The following FLRT1 variants were observed in gnomAD, a reference collection of about 807,000 sequenced individuals.
FLRT1 encodes the protein fibronectin leucine rich transmembrane protein 1.
A neutral mutation model predicts 30.9 loss-of-function variants in FLRT1; 14 were observed. The observed-to-expected ratio is 0.45, with a 90% CI of 0.30 to 0.71. The LOEUF is 0.71. FLRT1 is among the 30% of genes least tolerant of loss of function. The pLI is 0.08. For missense variants in FLRT1, 737 were observed against 949.2 expected (o/e 0.78, Z 2.94); for synonymous variants, 368 against 430.4 (o/e 0.85, Z 1.80).
At chr11:64,038,523 C>T (rs1259626759) in intron 1 of FLRT1, among the ~76,000 whole-genome samples, 2 of 152,042 alleles carry the variant, frequency 1.3e-5, no homozygotes, top group African/African-American at 2.4e-5. Context: ...GAGGCCAGCA[C>T]GGGGGCAGCT....
chr11:64,060,050 C>G (rs985501880), intron 1 of FLRT1, among the ~76,000 whole-genome samples: 1 of 152,242 alleles, frequency 6.6e-6, no homozygotes, highest in African/African-American at 2.4e-5. Flanking sequence ...TGGCGAACAA[C>G]TCCCTAAGGG....
chr11:64,066,391 T>C (rs1259761788), intron 1 of FLRT1, among the ~76,000 whole-genome samples: 3 of 148,760 alleles, frequency 2.0e-5, no homozygotes, highest in Non-Finnish European at 4.4e-5. Flanking sequence ...GGTGGTAGGA[T>C]CACTAGAAGC....
intron 1 of FLRT1, among the ~76,000 whole-genome samples, chr11:64,098,960 G>A (rs1330408100): frequency 1.3e-5 from 2 of 152,216 alleles, no homozygotes; most frequent in African/African-American, 4.8e-5. Context: ...GCTAATATAG[G>A]AATTAATATC....
chr11:64,114,404 G>T (rs904222447), intron 2 of FLRT1, among the ~76,000 whole-genome samples: 11 of 149,866 alleles, frequency 7.3e-5, no homozygotes, highest in Non-Finnish European at 1.3e-4. Flanking sequence ...TGGACAGGTG[G>T]ATGCATGGAT....
intron 1 of FLRT1, among the ~76,000 whole-genome samples, chr11:64,077,994 G>A (rs890054049): frequency 2.0e-5 from 3 of 152,162 alleles, no homozygotes; most frequent in Non-Finnish European, 4.4e-5. Flanking sequence ...CCTCCTCAGC[G>A]GGGGTCCCAG....
At chr11:64,071,871 G>C (rs1399698551) in intron 1 of FLRT1, among the ~76,000 whole-genome samples, 3 of 152,216 alleles carry the variant, frequency 2.0e-5, no homozygotes, top group Admixed American at 2.0e-4. Flanking sequence ...GGGCAGTAGT[G>C]GCGAGAGCCC....
At chr11:64,074,628 C>T (rs1944169152) in intron 1 of FLRT1, among the ~76,000 whole-genome samples, 1 of 152,218 alleles carries the variant, frequency 6.6e-6, no homozygotes, top group Non-Finnish European at 1.5e-5. Flanking sequence ...TGGGCTTTCC[C>T]CAAGGGGGGC....
At chr11:64,060,883 C>G (rs1177043871) in intron 1 of FLRT1, among the ~76,000 whole-genome samples, 1 of 152,062 alleles carries the variant, frequency 6.6e-6, no homozygotes, top group Admixed American at 6.5e-5. Flanking sequence ...CCGGGCGTGT[C>G]AGCCCCGCCC....
At position 64,104,120 on chromosome 11, in the gene FLRT1, G is replaced by A. The variant is rs1424074143; in HGVS notation, c.-111G>A. 1 of 152,304 alleles carries A rather than the reference G, an allele frequency of 6.6e-6. No individual in the cohort carries two copies. The highest frequency in any genetic ancestry group is 6.5e-5 in the Admixed American group (1 of 15,280). 9.4% of individuals were successfully genotyped at this position (152,304 alleles called of 1,614,324 possible). A position where few individuals can be genotyped will look rare whatever the true frequency, so the allele number is the denominator to read the frequency against. ...AGTCGCGGCTTCGTGACTTTGGCAG[G>A]GGCCTCCGGACCAGTGACCCCAGTC... On this transcript the variant is annotated 5_prime_UTR_variant, in exon 2 of 3. Coordinates refer to ENST00000682287, the MANE Select transcript of FLRT1 (RefSeq NM_013280.5).
chr11:64,052,573 G>T (rs986961170), intron 1 of FLRT1, among the ~76,000 whole-genome samples: 1 of 152,178 alleles, frequency 6.6e-6, no homozygotes, highest in Admixed American at 6.5e-5. Context: ...CTCCTCACCC[G>T]CTGCTCTTGG....
At chr11:64,071,593 A>C (rs1305092217) in intron 1 of FLRT1, among the ~76,000 whole-genome samples, 1 of 151,578 alleles carries the variant, frequency 6.6e-6, no homozygotes, top group Non-Finnish European at 1.5e-5. Flanking sequence ...TCCCCAAATG[A>C]CCGCTCTTCC....
rs906306580 is a variant in FLRT1, at chr11:64,090,232, G to A, written c.-1037-12962G>A. On this transcript the variant is annotated intron_variant, in intron 1 of 2. Coordinates refer to ENST00000682287, the MANE Select transcript of FLRT1 (RefSeq NM_013280.5). The surrounding 1 kb of genome is among the most constrained non-coding windows in gnomAD (Gnocchi z 4.7). ...GTGACAGGGTGTGGGAAAGGCCAAC[G>A]GGCGTGTGGGTCTCCAGCCTTTGCT... 6.6e-6 allele frequency among the ~76,000 whole-genome samples: 1 copy of A among 152,174 alleles called. No individual in the cohort carries two copies. Among genetic ancestry groups the A allele is most frequent in the Non-Finnish European group, 1.5e-5 (1 of 68,026 alleles).
At chr11:64,070,061 T>A (rs1297560942) in intron 1 of FLRT1, among the ~76,000 whole-genome samples, 1 of 152,170 alleles carries the variant, frequency 6.6e-6, no homozygotes, top group African/African-American at 2.4e-5. Context: ...AAGCACTCCC[T>A]GCAGCCTCTT....
At position 64,117,303 on chromosome 11, in the gene FLRT1, C is replaced by G. The variant is rs377711019; in HGVS notation, c.1036C>G (p.Arg346Gly). Residue 346 changes from arginine (R) to glycine (G), a missense_variant, in exon 3 of 3, where the codon CGG becomes GGG. Arg to Gly is a moderately radical substitution (Grantham distance 125). Transcript: ENST00000682287. ...GTGGCTGCGGGACTGGGTGAAGGCA[C>G]GGGCGGCCGTGGTCAACGTGCGGGG... ...LMWLRDWVKA[R>G]AAVVNVRGLM... 1 of 1,613,992 alleles carries G rather than the reference C, an allele frequency of 6.2e-7. No homozygotes were observed. The highest frequency in any genetic ancestry group is 1.3e-5 in the African/African-American group (1 of 74,950).
At chr11:64,060,964 G>C (rs926229842) in intron 1 of FLRT1, among the ~76,000 whole-genome samples, 5 of 151,818 alleles carry the variant, frequency 3.3e-5, no homozygotes, top group Non-Finnish European at 7.4e-5. Flanking sequence ...CGGGGCTCCC[G>C]GGCCGCCAGG....
intron 1 of FLRT1, among the ~76,000 whole-genome samples, chr11:64,087,806 G>A (rs1944421164): frequency 6.6e-6 from 1 of 152,232 alleles, no homozygotes; most frequent in African/African-American, 2.4e-5. Context: ...CCCAGGGCTG[G>A]CTTCTCTGCA....
rs185133112 is a variant in FLRT1, at chr11:64,082,214, T to C, written c.-1037-20980T>C. Among the ~76,000 whole-genome samples, 371 of 152,026 alleles carry C rather than the reference T, an allele frequency of 2.4e-3. No individual in the cohort carries two copies. The highest frequency in any genetic ancestry group is 8.4e-3 in the African/African-American group (349 of 41,436). On this transcript the variant is annotated intron_variant, in intron 1 of 2. Transcript: ENST00000682287. This position sits in a 1 kb window ranked among gnomAD's most constrained non-coding sequence, Gnocchi z 4.5. ...CAGGCGCGAAACATCCCTTAAATAT[T>C]GGTGCTCTCGGCAGCACTGGGCCCC... is the stretch of plus-strand genomic sequence containing the variant.
chr11:64,081,442 C>A (rs1190816834), intron 1 of FLRT1, among the ~76,000 whole-genome samples: 1 of 152,206 alleles, frequency 6.6e-6, no homozygotes, highest in Non-Finnish European at 1.5e-5. Context: ...CCAGCTGTGA[C>A]CCTCATACAG....
rs1370918675 is a variant in FLRT1 at position 64,036,975 on chromosome 11, G to A, written c.-1038+816G>A. 1.3e-5 allele frequency among the ~76,000 whole-genome samples: 2 copies of A among 152,220 alleles called. No homozygotes were observed. The highest frequency in any genetic ancestry group is 2.9e-5 in the Non-Finnish European group (2 of 68,040). Reference sequence around the variant, plus strand: ...GCTCCCCGAGGAGGAGAAAGTTGTGGAACAGGGACACCAGGGAGCTGCCAC... The same window carrying A: ...GCTCCCCGAGGAGGAGAAAGTTGTGAAACAGGGACACCAGGGAGCTGCCAC... On this transcript the variant is annotated intron_variant, in intron 1 of 2. Transcript: ENST00000682287. This position sits in a 1 kb window ranked among gnomAD's most constrained non-coding sequence, Gnocchi z 5.6.
Sources: allele counts gnomAD v4.1 joint callset (sites outside exome capture counted in the v4.1 genomes callset), GRCh38; gene constraint gnomAD v4.1.1; non-coding constraint Gnocchi (gnomAD v3.1); transcripts MANE v1.5; gene names NCBI Gene and HGNC (gene_info 2026-07-23, HGNC 2026-07-21).